USP2: variants seen among roughly 807,000 people sequenced by gnomAD.
USP2 encodes ubiquitin specific peptidase 2, also known as ubiquitin carboxyl-terminal hydrolase 2.
USP2 carries 33 observed loss-of-function variants against 72.0 expected under a neutral mutation model. The ratio of observed to expected loss-of-function variants is 0.46; its 90% CI spans 0.35 to 0.61. The LOEUF is 0.61. USP2 is among the 20% of genes least tolerant of loss of function. USP2 has a pLI of 0.01. For missense variants in USP2, 691 were observed against 797.8 expected (o/e 0.87, Z 1.61); for synonymous variants, 296 against 312.5 (o/e 0.95, Z 0.56).
At position 119,372,826 on chromosome 11, in the gene USP2, G is replaced by T. The variant is rs201978255; in HGVS notation, c.655C>A (p.Arg219=). ...GTTGGGCTGATGATTTCAGGGACTC[G>T]TGAGGGAGGGGCCTGGGAGGGCACC... ...SQVPSQAPPS[R]VPEIISPTYR... Residue 219 remains arginine, a synonymous_variant, in exon 2 of 13, where the codon CGA becomes AGA. Transcript: ENST00000260187. 3 of 1,607,842 alleles carry T rather than the reference G, an allele frequency of 1.9e-6. No homozygotes were observed. The highest frequency in any genetic ancestry group is 2.2e-5 in the South Asian group (2 of 90,100).
intron 2 of USP2, among the ~76,000 whole-genome samples, chr11:119,364,750 C>A (rs532237264): frequency 9.9e-5 from 15 of 152,274 alleles, no homozygotes; most frequent in African/African-American, 3.6e-4. Flanking sequence ...CCTTCACGGC[C>A]TAGGGGCTGA....
rs892455079 is a variant in USP2 at position 119,381,660 on chromosome 11, C to A, written c.-229G>T. ...AAGGGACCTCCCCGGGAAATCGGCGCCACCCAGCGGGCAGCCGCCTCATCG... is the reference window on the plus strand; with the variant it reads ...AAGGGACCTCCCCGGGAAATCGGCGACACCCAGCGGGCAGCCGCCTCATCG... On this transcript the variant is annotated 5_prime_UTR_variant, in exon 1 of 13. Coordinates refer to ENST00000260187, the MANE Select transcript of USP2 (RefSeq NM_004205.5). 5.7e-5 allele frequency: 64 copies of A among 1,121,066 alleles called. No individual in the cohort carries two copies. The African/African-American group carries it at 8.9e-4, about 16-fold the overall frequency. The allele number at this position is 1,121,066 out of a possible 1,614,324, so 69.4% of individuals were successfully genotyped here.
intron 10 of USP2, 70 bp downstream of exon 10, chr11:119,357,687 C>T (rs1591314782): frequency 1.9e-6 from 3 of 1,613,342 alleles, no homozygotes; most frequent in East Asian, 4.5e-5. Flanking sequence ...CTGTTCCCCT[C>T]ACCTATGGGC....
At chr11:119,378,514 T>C (rs1017385285) in intron 1 of USP2, among the ~76,000 whole-genome samples, 14 of 152,160 alleles carry the variant, frequency 9.2e-5, no homozygotes, top group African/African-American at 3.4e-4. Flanking sequence ...CAAGGGAATT[T>C]GGGTCCATTT....
chr11:119,376,101 G>T, intron 1 of USP2: 1 of 845,252 alleles, frequency 1.2e-6, no homozygotes, highest in Non-Finnish European at 1.4e-6. Flanking sequence ...TGCGGAGAGG[G>T]TTCCTACTGG....
Position 119,359,654 on chromosome 11 carries a change from T to C in USP2, c.832A>G (p.Met278Val). 1 of 1,613,600 alleles carries C rather than the reference T, an allele frequency of 6.2e-7. No individual in the cohort carries two copies. ...GLRNLGNTCFMNSILQCLSNT... is the reference protein window; with the variant it reads ...GLRNLGNTCFVNSILQCLSNT... ...CTCAGGCACTGCAGAATTGAGTTCATGAAGCACTGCAAGAGATGACCAGGC... is the reference window on the plus strand; with the variant it reads ...CTCAGGCACTGCAGAATTGAGTTCACGAAGCACTGCAAGAGATGACCAGGC... Residue 278 changes from methionine to valine, a missense_variant, in exon 4 of 13, where the codon ATG becomes GTG. Met to Val is a conservative substitution (Grantham distance 21). Transcript: ENST00000260187.
At chr11:119,359,843 G>A (rs1950735020) in intron 3 of USP2, among the ~76,000 whole-genome samples, 183 bp from the exon 4 acceptor site, 1 of 152,174 alleles carries the variant, frequency 6.6e-6, no homozygotes, top group South Asian at 2.1e-4. Context: ...CCCCACTCCA[G>A]GCATAGGTGA....
intron 2 of USP2, among the ~76,000 whole-genome samples, chr11:119,366,484 C>G (rs1053654630): frequency 5.3e-5 from 8 of 152,214 alleles, no homozygotes; most frequent in Non-Finnish European, 1.2e-4. Context: ...TGGTGTTAAT[C>G]TATCTTAATA....
Position 119,358,375 on chromosome 11 carries a change from G to A in USP2, c.1238-123C>T, listed in dbSNP as rs1591315894. The A allele has an allele frequency of 3.4e-6, 3 of 870,134 alleles. No homozygotes were observed. In the East Asian group the frequency reaches 8.0e-5, roughly 23 times the overall value. 53.9% of individuals were successfully genotyped at this position (870,134 alleles called of 1,614,324 possible). A position where few individuals can be genotyped will look rare whatever the true frequency, so the allele number is the denominator to read the frequency against. ...TCTGTCCCCCAGGCTGAAGTGCAGT[G>A]GTGCAATCTCAGCTCACAACAACCT... On this transcript the variant is annotated intron_variant, in intron 7 of 12. Transcript: ENST00000260187.
At chr11:119,371,870 T>C (rs1950932530) in intron 2 of USP2, among the ~76,000 whole-genome samples, 1 of 152,090 alleles carries the variant, frequency 6.6e-6, no homozygotes, top group Non-Finnish European at 1.5e-5. Flanking sequence ...TCAGCCCCCA[T>C]TGTGGGAGGC....
chr11:119,359,386 A>T, intron 4 of USP2, 44 bp from the exon 5 acceptor site: 8 of 1,590,566 alleles, frequency 5.0e-6, no homozygotes, highest in Non-Finnish European at 6.8e-6. Context: ...GATATTTTCT[A>T]TAAGAAACTC....
intron 2 of USP2, among the ~76,000 whole-genome samples, chr11:119,372,139 T>A (rs1477827652): frequency 1.3e-5 from 2 of 152,230 alleles, no homozygotes; most frequent in African/African-American, 4.8e-5. Flanking sequence ...TCTCCCCTAC[T>A]TTCTCCAAAG....
chr11:119,367,547 G>C (rs1410964067), intron 2 of USP2, among the ~76,000 whole-genome samples: 1 of 152,212 alleles, frequency 6.6e-6, no homozygotes, highest in Non-Finnish European at 1.5e-5. Context: ...CTGAGTCCTT[G>C]TTAGGGGTTG....
At chr11:119,359,701 C>T in intron 3 of USP2, 41 bp from the exon 4 acceptor site, 2 of 1,604,262 alleles carry the variant, frequency 1.2e-6, no homozygotes, top group Non-Finnish European at 1.7e-6. Context: ...AGACGAGAGT[C>T]CCACCTTCAC....
chr11:119,380,721 C>G (rs968136036), intron 1 of USP2: 1 of 155,572 alleles, frequency 6.4e-6, no homozygotes, highest in Non-Finnish European at 1.4e-5. Context: ...TGACATGCAT[C>G]TACAGCATCA....
chr11:119,364,204 C>G (rs565027344), intron 2 of USP2: 3 of 1,148,466 alleles, frequency 2.6e-6, no homozygotes, highest in Admixed American at 4.8e-5. Flanking sequence ...GCGCTCCGGC[C>G]GACTGGCGGC....
chr11:119,379,354 G>T (rs767236177), intron 1 of USP2: 229 of 707,070 alleles, frequency 3.2e-4, no homozygotes, highest in Middle Eastern at 7.3e-4. Flanking sequence ...AAAGAGCATT[G>T]AAAAGAGCAC....
chr11:119,359,091 GC>G lies in USP2; in HGVS notation c.1104del (p.Leu369SerfsTer5). On this transcript the variant is annotated frameshift_variant, in exon 6 of 13. Coordinates refer to ENST00000260187, the MANE Select transcript of USP2 (RefSeq NM_004205.5). LOFTEE classifies it high-confidence loss of function. The part of the protein sequence containing the change: ...AQEFLRFLLD[G>X]LHNEVNRVTL... ...GTCACTCGGTTCACCTCGTTATGGA[GC>G]CCATCCAGAAGAAAGCGAAGGAACT... The G allele has an allele frequency of 6.2e-7, 1 of 1,614,066 alleles. No homozygotes were observed. The highest frequency in any genetic ancestry group is 1.1e-5 in the South Asian group (1 of 91,082).
chr11:119,357,729 T>TC, intron 10 of USP2, 28 bp downstream of exon 10: 1 of 1,613,588 alleles, frequency 6.2e-7, no homozygotes, highest in Non-Finnish European at 8.5e-7. Context: ...GAAAGTCATG[T>TC]CCCAGCCCTG....
Sources: gnomAD v4.1 joint callset for allele counts (sites outside exome capture counted in the v4.1 genomes callset) on GRCh38, gnomAD v4.1.1 for gene constraint, MANE v1.5 for transcripts, NCBI Gene and HGNC (gene_info 2026-07-23, HGNC 2026-07-21) for gene names.